SYT16: variants seen among roughly 807,000 people sequenced by gnomAD.
SYT16 encodes synaptotagmin-16.
Under a neutral mutation model 61.4 loss-of-function variants are expected in SYT16, and 42 were observed. The ratio of observed to expected loss-of-function variants is 0.68; its 90% CI spans 0.53 to 0.89. SYT16 has a LOEUF of 0.89. Ranked by LOEUF, SYT16 falls within the 40% of genes least tolerant of loss-of-function variation. The probability of loss-of-function intolerance (pLI) is 0.00; values close to 1 mark genes in which losing one functional copy is unlikely to be tolerated. For synonymous variants in SYT16, 314 were observed against 302.3 expected, an observed-to-expected ratio of 1.04 and a Z score of -0.40; for missense variants, 804 against 807.3, an observed-to-expected ratio of 1.00 and a Z score of 0.05.
chr14:61,979,799 T>C (rs1566734437), intron 2 of SYT16, among the ~76,000 whole-genome samples: 1 of 152,236 alleles, frequency 6.6e-6, no homozygotes, highest in East Asian at 1.9e-4. Flanking sequence ...GGAGAATCAC[T>C]TGAACCCGGG....
intron 1 of SYT16, among the ~76,000 whole-genome samples, chr14:61,854,720 C>T (rs558326158): frequency 3.3e-5 from 5 of 152,318 alleles, no homozygotes; most frequent in African/African-American, 7.2e-5. Flanking sequence ...TAGAAACATA[C>T]GCATCACTCG....
chr14:62,100,013 A>G (rs1010391436), intron 7 of SYT16, among the ~76,000 whole-genome samples: 4 of 152,252 alleles, frequency 2.6e-5, no homozygotes, highest in Non-Finnish European at 5.9e-5. Context: ...CTATGAAAAA[A>G]TCATGTAGAG....
intron 6 of SYT16, among the ~76,000 whole-genome samples, chr14:62,083,058 A>C (rs1025954754): frequency 1.3e-5 from 2 of 152,078 alleles, no homozygotes; most frequent in African/African-American, 4.8e-5. Flanking sequence ...TCATTGTTGA[A>C]TTTTTATCTT....
chr14:61,872,888 T>C (rs1197148170), intron 1 of SYT16, among the ~76,000 whole-genome samples: 9 of 152,232 alleles, frequency 5.9e-5, no homozygotes, highest in African/African-American at 2.2e-4. Flanking sequence ...TGTTTACACA[T>C]TGGTAAAAAT....
intron 6 of SYT16, among the ~76,000 whole-genome samples, chr14:62,081,723 A>G (rs979537703): frequency 2.0e-5 from 3 of 152,118 alleles, no homozygotes; most frequent in Admixed American, 1.3e-4. Flanking sequence ...TTGTGTTACT[A>G]CCGTCTTCCC....
At chr14:61,927,263 C>T (rs2049576062) in intron 1 of SYT16, among the ~76,000 whole-genome samples, 1 of 152,174 alleles carries the variant, frequency 6.6e-6, no homozygotes, top group Non-Finnish European at 1.5e-5. Flanking sequence ...GTGATGAATA[C>T]TTGGGAAGTA....
chr14:61,973,435 T>G (rs1251626756), intron 2 of SYT16, among the ~76,000 whole-genome samples: 1 of 152,192 alleles, frequency 6.6e-6, no homozygotes, highest in Non-Finnish European at 1.5e-5. Flanking sequence ...TTTACATGCA[T>G]TATTTGATTT....
intron 1 of SYT16, among the ~76,000 whole-genome samples, chr14:61,872,331 A>G (rs2047357644): frequency 6.6e-6 from 1 of 152,160 alleles, no homozygotes; most frequent in Non-Finnish European, 1.5e-5. Context: ...AAGTCAGGGT[A>G]ATTGGGATAT....
At chr14:62,005,465 A>G (rs1262162631) in intron 3 of SYT16, among the ~76,000 whole-genome samples, 1 of 152,062 alleles carries the variant, frequency 6.6e-6, no homozygotes, top group Non-Finnish European at 1.5e-5. Context: ...CAGTCTTCTG[A>G]TCTCTGTTTT....
intron 1 of SYT16, among the ~76,000 whole-genome samples, chr14:61,915,199 GT>G (rs1030532629): frequency 2.8e-4 from 42 of 152,044 alleles, no homozygotes; most frequent in African/African-American, 9.7e-4. Context: ...CTTTTTTTGG[GT>G]GGTAAAGTGG....
chr14:62,107,587 C>G lies in SYT16; in HGVS notation c.*6880C>G, dbSNP rs1375544779. 2 of 152,144 alleles carry G rather than the reference C, an allele frequency of 1.3e-5. No individual in the cohort carries two copies. Among genetic ancestry groups the G allele is most frequent in the African/African-American group, 4.8e-5 (2 of 41,428 alleles). 9.4% of individuals were successfully genotyped at this position (152,144 alleles called of 1,614,324 possible). A position where few individuals can be genotyped will look rare whatever the true frequency, so the allele number is the denominator to read the frequency against. On this transcript the variant is annotated 3_prime_UTR_variant, in exon 8 of 8. Coordinates refer to ENST00000683842, the MANE Select transcript of SYT16 (RefSeq NM_001367656.1). ...TAAAAACTAGAGTCTGATAAGAAATCTAGGTAAATAATAAGATCTTTTATT... is the reference window on the plus strand; with the variant it reads ...TAAAAACTAGAGTCTGATAAGAAATGTAGGTAAATAATAAGATCTTTTATT...
At chr14:61,985,284 A>T (rs1275411545) in intron 2 of SYT16, among the ~76,000 whole-genome samples, 3 of 152,170 alleles carry the variant, frequency 2.0e-5, no homozygotes, top group Admixed American at 6.6e-5. Context: ...GAAAATATCA[A>T]ACAGTTGTTA....
intron 1 of SYT16, among the ~76,000 whole-genome samples, chr14:61,917,143 T>G (rs1407332127): frequency 6.6e-6 from 1 of 152,108 alleles, no homozygotes; most frequent in African/African-American, 2.4e-5. Context: ...AGGTCTGTAG[T>G]TTTTTGAAGA....
intron 1 of SYT16, among the ~76,000 whole-genome samples, chr14:61,895,952 C>T (rs1044671745): frequency 2.6e-5 from 4 of 152,144 alleles, no homozygotes; most frequent in Non-Finnish European, 4.4e-5. Context: ...TGGCAGTGCG[C>T]GTGGGGACAG....
At chr14:61,915,359 T>C (rs1305767967) in intron 1 of SYT16, among the ~76,000 whole-genome samples, 1 of 152,168 alleles carries the variant, frequency 6.6e-6, no homozygotes, top group Non-Finnish European at 1.5e-5. Context: ...TAATATGTAA[T>C]ATAGATGTAT....
At position 62,068,491 on chromosome 14, in the gene SYT16, A is replaced by G. The variant is rs1271622566; in HGVS notation, c.524-1112A>G. Among the ~76,000 whole-genome samples, 7 of 152,350 alleles carry G rather than the reference A, an allele frequency of 4.6e-5. No individual in the cohort carries two copies. The East Asian group carries it at 1.4e-3, about 29-fold the overall frequency. ...GCAGGATGAACAAGTCTACAGATCT[A>G]ACCTATAAGATGTGGATTATAGTGA... On this transcript the variant is annotated intron_variant, in intron 3 of 7. Transcript: ENST00000683842.
At chr14:61,904,340 A>G (rs1594876184) in intron 1 of SYT16, among the ~76,000 whole-genome samples, 1 of 152,248 alleles carries the variant, frequency 6.6e-6, no homozygotes, top group Non-Finnish European at 1.5e-5. Flanking sequence ...TCTGCATACC[A>G]TAGAAGGCAG....
chr14:61,818,340 C>G (rs139710975), intron 1 of SYT16, among the ~76,000 whole-genome samples: 13 of 152,270 alleles, frequency 8.5e-5, no homozygotes, highest in Admixed American at 2.6e-4. Flanking sequence ...CTTCCCTCCT[C>G]ATAATCCCCA....
chr14:62,001,823 A>G (rs574454276), intron 3 of SYT16, among the ~76,000 whole-genome samples: 54 of 152,038 alleles, frequency 3.6e-4, no homozygotes, highest in African/African-American at 1.2e-3. Context: ...ACCTACTAAC[A>G]TATCTTCAAG....
Sources: allele counts gnomAD v4.1 joint callset (sites outside exome capture counted in the v4.1 genomes callset), GRCh38; gene constraint gnomAD v4.1.1; transcripts MANE v1.5; gene names NCBI Gene and HGNC (gene_info 2026-07-23, HGNC 2026-07-21).